The following KRABD5 variants were observed in gnomAD, a reference collection of about 807,000 sequenced individuals.
KRABD5 encodes the protein KRAB domain-containing protein 5.
the KRABD5 span, chr16:31,758,519 A>G: frequency 6.6e-6 from 1 of 150,488 alleles, no homozygotes; most frequent in Non-Finnish European, 1.5e-5. Context: ...CATGCCTGTA[A>G]TCCTAGCACT....
chr16:31,761,226 A>G, the KRABD5 span: 1 of 152,234 alleles, frequency 6.6e-6, no homozygotes, highest in African/African-American at 2.4e-5. Flanking sequence ...GGAGGGAAAG[A>G]TTCTGTTTTT....
chr16:31,722,001 A>C, the KRABD5 span, among the ~76,000 whole-genome samples: 1 of 152,190 alleles, frequency 6.6e-6, no homozygotes, highest in Admixed American at 6.5e-5. Flanking sequence ...TATACAACTG[A>C]TTGTGGATGA....
At chr16:31,756,610 C>T in the KRABD5 span, 2 of 151,968 alleles carry the variant, frequency 1.3e-5, no homozygotes, top group African/African-American at 4.8e-5. Flanking sequence ...TATATTCTTT[C>T]CTGCTTTTTG....
At chr16:31,757,857 GATAGA>G in the KRABD5 span, 99 of 142,380 alleles carry the variant, frequency 7.0e-4, no homozygotes, top group African/African-American at 2.5e-3. Context: ...TAGGTAGATA[GATAGA>G]TAGATAGATA....
At chr16:31,741,602 T>C in the KRABD5 span, among the ~76,000 whole-genome samples, 2 of 152,186 alleles carry the variant, frequency 1.3e-5, no homozygotes, top group Non-Finnish European at 2.9e-5. Context: ...TGCTTGTATG[T>C]CTTCTTTTGA....
At chr16:31,716,229 CCAGT>C in the KRABD5 span, among the ~76,000 whole-genome samples, 1 of 152,148 alleles carries the variant, frequency 6.6e-6, no homozygotes, top group African/African-American at 2.4e-5. Flanking sequence ...TGTGGACCAC[CCAGT>C]CATAGTCTCA....
At chr16:31,755,568 G>T in the KRABD5 span, 4 of 464,594 alleles carry the variant, frequency 8.6e-6, no homozygotes, top group South Asian at 6.2e-5. Context: ...AAGGATTGTG[G>T]CATCTCCTTT....
the KRABD5 span, among the ~76,000 whole-genome samples, chr16:31,746,251 A>G: frequency 6.6e-6 from 1 of 152,072 alleles, no homozygotes; most frequent in East Asian, 1.9e-4. Flanking sequence ...AGTGGCTGGT[A>G]CCAGTTTTTC....
the KRABD5 span, chr16:31,754,006 C>T: frequency 3.6e-6 from 5 of 1,371,940 alleles, no homozygotes; most frequent in Non-Finnish European, 5.1e-6. Flanking sequence ...CATGAAAAAA[C>T]TCAATTTATG....
chr16:31,728,783 G>A, the KRABD5 span, among the ~76,000 whole-genome samples: 1 of 152,144 alleles, frequency 6.6e-6, no homozygotes, highest in African/African-American at 2.4e-5. Context: ...ATTGTTGGAT[G>A]GGATGTTATA....
At chr16:31,732,703 A>G in the KRABD5 span, among the ~76,000 whole-genome samples, 1 of 152,144 alleles carries the variant, frequency 6.6e-6, no homozygotes, top group Non-Finnish European at 1.5e-5. Flanking sequence ...TATTTTATGT[A>G]AGAATAGCAC....
the KRABD5 span, among the ~76,000 whole-genome samples, chr16:31,738,465 T>G: frequency 6.6e-6 from 1 of 152,258 alleles, no homozygotes; most frequent in Non-Finnish European, 1.5e-5. Context: ...CTTTCTTGTC[T>G]CTTGTAACAT....
the KRABD5 span, among the ~76,000 whole-genome samples, chr16:31,744,514 G>T: frequency 6.6e-6 from 1 of 152,188 alleles, no homozygotes; most frequent in Admixed American, 6.5e-5. Context: ...TGTGCTGCTG[G>T]ATTCAGTTTG....
At chr16:31,750,268 T>G in the KRABD5 span, among the ~76,000 whole-genome samples, 672 of 152,326 alleles carry the variant, frequency 4.4e-3, 7 homozygotes, top group African/African-American at 0.016. Context: ...GATCTATTCC[T>G]AGGTATTCGG....
At chr16:31,758,405 A>G in the KRABD5 span, 1 of 152,190 alleles carries the variant, frequency 6.6e-6, no homozygotes, top group South Asian at 2.1e-4. Context: ...TCAACACTAG[A>G]ACATCACAGT....
At chr16:31,722,022 G>A in the KRABD5 span, among the ~76,000 whole-genome samples, 2 of 152,138 alleles carry the variant, frequency 1.3e-5, no homozygotes, top group South Asian at 2.1e-4. Context: ...TGTAAATATA[G>A]ACTAAAAAAT....
At chr16:31,714,697 GC>G in the KRABD5 span, among the ~76,000 whole-genome samples, 1 of 152,170 alleles carries the variant, frequency 6.6e-6, no homozygotes, top group East Asian at 1.9e-4. Context: ...CCTGGGGAGC[GC>G]CCCCTTCAGG....
chr16:31,737,517 TA>T, the KRABD5 span, among the ~76,000 whole-genome samples: 1 of 152,160 alleles, frequency 6.6e-6, no homozygotes, highest in Non-Finnish European at 1.5e-5. Flanking sequence ...GGTCCAACTT[TA>T]TTTTTTCCCT....
the KRABD5 span, among the ~76,000 whole-genome samples, chr16:31,747,114 A>G: frequency 6.6e-6 from 1 of 151,112 alleles, no homozygotes; most frequent in African/African-American, 2.4e-5. Context: ...AGCATTAGGT[A>G]TATCTCTTAA....
Sources: gnomAD v4.1 joint callset for allele counts (sites outside exome capture counted in the v4.1 genomes callset) on GRCh38, gnomAD v4.1.1 for gene constraint, MANE v1.5 for transcripts, NCBI Gene and HGNC (gene_info 2026-07-23, HGNC 2026-07-21) for gene names.